The following PCDHA7 variants were observed in gnomAD, a reference collection of about 807,000 sequenced individuals.
PCDHA7 encodes protocadherin alpha-7.
Under a neutral mutation model 57.2 loss-of-function variants are expected in PCDHA7, and 37 were observed. The observed-to-expected ratio is 0.65, with a 90% confidence interval of 0.50 to 0.85. The LOEUF (loss-of-function observed/expected upper bound fraction) is 0.85, where lower values mean the gene tolerates loss of function less well. Ranked by LOEUF, PCDHA7 falls within the 40% of genes least tolerant of loss-of-function variation. The pLI is 0.00. For missense variants in PCDHA7, 1,188 were observed against 1,241.8 expected (o/e 0.96, Z 0.65); for synonymous variants, 553 against 558.8 (o/e 0.99, Z 0.15).
intron 1 of PCDHA7, chr5:140,927,988 G>A (rs782075633): frequency 6.2e-6 from 10 of 1,614,200 alleles, no homozygotes; most frequent in South Asian, 1.1e-5. Flanking sequence ...TAGTGTAAAG[G>A]ATGAAGACCT....
At chr5:140,883,597 G>T (rs2059691205) in intron 1 of PCDHA7, 3 of 1,614,004 alleles carry the variant, frequency 1.9e-6, no homozygotes, top group Middle Eastern at 1.7e-4. Context: ...GCGTGTCGGT[G>T]GGGGTGGCCG....
chr5:140,926,791 G>A, intron 1 of PCDHA7: 6 of 1,439,200 alleles, frequency 4.2e-6, no homozygotes, highest in East Asian at 2.5e-5. Context: ...GCCGGCAGGA[G>A]CGTGCTCTTC....
rs1190939164 is a variant in PCDHA7, at chr5:140,968,882, C to T, written c.2356-10067C>T. ...CCCTCGGACATACTCTGAAATTACC[C>T]TTTATCTAATAATAGCATTAAGCAC... On this transcript the variant is annotated intron_variant, in intron 1 of 3. Transcript: ENST00000525929. 6 of 1,614,066 alleles carry T rather than the reference C, an allele frequency of 3.7e-6. No individual in the cohort carries two copies. The African/African-American group carries it at 6.7e-5, about 18-fold the overall frequency.
intron 3 of PCDHA7, among the ~76,000 whole-genome samples, chr5:141,001,278 C>A (rs182360019): frequency 6.6e-6 from 1 of 152,050 alleles, no homozygotes; most frequent in Non-Finnish European, 1.5e-5. Flanking sequence ...ACTTTTTTTA[C>A]GGATGAAAAC....
At chr5:140,928,529 T>C in intron 1 of PCDHA7, 7 of 1,614,226 alleles carry the variant, frequency 4.3e-6, no homozygotes, top group Non-Finnish European at 4.2e-6. Flanking sequence ...TTGTTTGTGG[T>C]AGATAGGAAT....
At position 140,858,665 on chromosome 5, in the gene PCDHA7, A is replaced by G. The variant is rs2045550518; in HGVS notation, c.2355+21927A>G. On this transcript the variant is annotated intron_variant, in intron 1 of 3. Transcript: ENST00000525929. ...GGTACTTAAATTTTTTTAAATAACAATTTATTCTGAATACACTAATATTTT... is the reference window on the plus strand; with the variant it reads ...GGTACTTAAATTTTTTTAAATAACAGTTTATTCTGAATACACTAATATTTT... 5.6e-6 allele frequency: 4 copies of G among 718,718 alleles called. 1 individual carries two copies. The highest frequency in any genetic ancestry group is 1.8e-5 in the African/African-American group (1 of 55,644). 44.5% of individuals were successfully genotyped at this position (718,718 alleles called of 1,614,324 possible).
At chr5:140,966,802 G>A in intron 1 of PCDHA7, 4 of 1,542,100 alleles carry the variant, frequency 2.6e-6, no homozygotes, top group Non-Finnish European at 2.6e-6. Context: ...CGGCGACAGA[G>A]CATCCACGGC....
chr5:140,962,939 C>CA (rs2095722674), intron 1 of PCDHA7, among the ~76,000 whole-genome samples: 1 of 152,134 alleles, frequency 6.6e-6, no homozygotes, highest in African/African-American at 2.4e-5. Context: ...ACCTCCTCTC[C>CA]ATAAGATATG....
intron 1 of PCDHA7, among the ~76,000 whole-genome samples, chr5:140,957,165 A>G (rs2095338056): frequency 6.6e-6 from 1 of 152,190 alleles, no homozygotes; most frequent in Non-Finnish European, 1.5e-5. Context: ...AAATCTAAGT[A>G]TATAAATTGG....
intron 1 of PCDHA7, chr5:140,966,696 G>A (rs2096039255): frequency 7.4e-7 from 1 of 1,358,662 alleles, no homozygotes. Flanking sequence ...GGCGGGGCCC[G>A]GGCGTGGGGC....
intron 1 of PCDHA7, among the ~76,000 whole-genome samples, chr5:140,881,751 A>G (rs974973794): frequency 6.6e-6 from 1 of 152,206 alleles, no homozygotes; most frequent in Non-Finnish European, 1.5e-5. Flanking sequence ...GGACAGTACC[A>G]CAAAAACCTA....
chr5:140,867,157 C>T (rs1194187128), intron 1 of PCDHA7: 2 of 152,166 alleles, frequency 1.3e-5, no homozygotes, highest in East Asian at 3.9e-4. Context: ...CCAGAGTAAA[C>T]CTTCTAAGGT....
chr5:140,904,039 A>T (rs947456842), intron 1 of PCDHA7, among the ~76,000 whole-genome samples: 5 of 152,138 alleles, frequency 3.3e-5, no homozygotes, highest in Non-Finnish European at 7.4e-5. Context: ...TAACTTTTTA[A>T]TTTTTTTATT....
intron 1 of PCDHA7, among the ~76,000 whole-genome samples, chr5:140,886,844 AAAAG>A (rs1232979230): frequency 6.0e-5 from 9 of 150,634 alleles, no homozygotes; most frequent in Non-Finnish European, 8.9e-5. Flanking sequence ...AAAAAAAAAA[AAAAG>A]AAAGGTCTTC....
In PCDHA7 at chr5:141,009,945, A is replaced by C. The variant is rs2098415489; in HGVS notation, c.*8A>C. 5.0e-6 allele frequency: 8 copies of C among 1,596,112 alleles called. No homozygotes were observed. The highest frequency in any genetic ancestry group is 6.8e-6 in the Non-Finnish European group (8 of 1,173,736). On this transcript the variant is annotated 3_prime_UTR_variant, in exon 4 of 4. Coordinates refer to ENST00000525929, the MANE Select transcript of PCDHA7 (RefSeq NM_018910.3). ...GACAACAGTGACCAGTGAGGTCCTCAAATGGAAACAAGCCACTTAGCCAGT... is the reference window on the plus strand; with the variant it reads ...GACAACAGTGACCAGTGAGGTCCTCCAATGGAAACAAGCCACTTAGCCAGT...
intron 1 of PCDHA7, among the ~76,000 whole-genome samples, chr5:140,947,608 A>G (rs1381677530): frequency 3.3e-5 from 5 of 151,684 alleles, no homozygotes; most frequent in Non-Finnish European, 7.4e-5. Flanking sequence ...AAGATTTGGT[A>G]TCTTAACAAT....
chr5:140,907,864 G>T (rs1033952784), intron 1 of PCDHA7, among the ~76,000 whole-genome samples: 1 of 152,202 alleles, frequency 6.6e-6, no homozygotes, highest in Non-Finnish European at 1.5e-5. Context: ...GAGGCCAGCC[G>T]TTGGTGAGCA....
At chr5:140,995,500 G>A (rs541415385) in intron 3 of PCDHA7, among the ~76,000 whole-genome samples, 22 of 152,298 alleles carry the variant, frequency 1.4e-4, no homozygotes, top group Admixed American at 1.2e-3. Flanking sequence ...AAGGTTGACT[G>A]TGGGTAACTG....
chr5:140,891,879 A>G, intron 1 of PCDHA7, among the ~76,000 whole-genome samples: 1 of 152,196 alleles, frequency 6.6e-6, no homozygotes, highest in East Asian at 1.9e-4. Flanking sequence ...TGGCTCTGTC[A>G]TGTGACGATG....
Sources: gnomAD v4.1 joint callset for allele counts (sites outside exome capture counted in the v4.1 genomes callset) on GRCh38, gnomAD v4.1.1 for gene constraint, MANE v1.5 for transcripts, NCBI Gene and HGNC (gene_info 2026-07-23, HGNC 2026-07-21) for gene names.